Variants in STK4 observed in about 807,000 individuals in gnomAD.
The protein encoded by STK4 is serine/threonine kinase 4.
STK4 carries 30 observed loss-of-function variants against 64.9 expected under a neutral mutation model. The ratio of observed to expected loss-of-function variants is 0.46; its 90% confidence interval spans 0.35 to 0.63. The LOEUF (loss-of-function observed/expected upper bound fraction) is 0.63, where lower values mean the gene tolerates loss of function less well. Among genes scored for constraint, STK4 ranks in the 20% least tolerant of loss-of-function variants. The probability of loss-of-function intolerance (pLI) is 0.01; values close to 1 mark genes in which losing one functional copy is unlikely to be tolerated. For missense variants in STK4, 466 were observed against 598.5 expected (o/e 0.78, Z 2.31); for synonymous variants, 177 against 199.0 (o/e 0.89, Z 0.93).
chr20:45,018,727 T>C, intron 9 of STK4, among the ~76,000 whole-genome samples: 1 of 137,110 alleles, frequency 7.3e-6, no homozygotes, highest in Non-Finnish European at 1.5e-5. Context: ...AAGTTCTACT[T>C]TTTTTTTTTT....
At chr20:44,981,625 C>A (rs987580121) in intron 3 of STK4, among the ~76,000 whole-genome samples, 4 of 152,112 alleles carry the variant, frequency 2.6e-5, no homozygotes, top group Admixed American at 6.6e-5. Context: ...AAAGAACTCA[C>A]CAAGTTTTTT....
chr20:45,021,930 A>C (rs577566024), intron 9 of STK4, among the ~76,000 whole-genome samples: 55 of 152,332 alleles, frequency 3.6e-4, no homozygotes, highest in African/African-American at 1.2e-3. Flanking sequence ...TCAAAGCTGC[A>C]GGGAACATTA....
chr20:45,041,821 A>G (rs1275604324), intron 10 of STK4, among the ~76,000 whole-genome samples: 4 of 152,202 alleles, frequency 2.6e-5, no homozygotes, highest in South Asian at 4.2e-4. Context: ...TGAGTAATCA[A>G]TCTCCTGGCA....
At chr20:45,008,748 T>C (rs901578007) in intron 9 of STK4, among the ~76,000 whole-genome samples, 1 of 152,222 alleles carries the variant, frequency 6.6e-6, no homozygotes, top group African/African-American at 2.4e-5. Flanking sequence ...GTATGAGATA[T>C]CTCATTGTGG....
chr20:45,075,297 C>CT lies in STK4; in HGVS notation c.*122dup. ...CGTCTCTCCACAGCACCTTTGTGAA[C>CT]TCAGGAATGTGCGCCAGTGGGAAGG... On this transcript the variant is annotated 3_prime_UTR_variant, in exon 11 of 11. Transcript: ENST00000372806. The CT allele has an allele frequency of 7.5e-7, 1 of 1,334,336 alleles. No individual in the cohort carries two copies. Among genetic ancestry groups the CT allele is most frequent in the South Asian group, 1.4e-5 (1 of 70,562 alleles). The allele number at this position is 1,334,336 out of a possible 1,614,324, so 82.7% of individuals were successfully genotyped here.
intron 7 of STK4, among the ~76,000 whole-genome samples, chr20:44,998,360 C>A (rs1433051717): frequency 6.6e-6 from 1 of 152,084 alleles, no homozygotes; most frequent in Non-Finnish European, 1.5e-5. Flanking sequence ...GATACAGTAC[C>A]TGCCTCATGT....
chr20:45,014,809 C>A (rs564245920), intron 9 of STK4, among the ~76,000 whole-genome samples: 1 of 152,296 alleles, frequency 6.6e-6, no homozygotes, highest in Admixed American at 6.5e-5. Context: ...GGTCACCCCT[C>A]CTCATCTCCA....
chr20:44,977,623 T>G (rs2067362933), intron 2 of STK4, among the ~76,000 whole-genome samples: 1 of 152,186 alleles, frequency 6.6e-6, no homozygotes, highest in Non-Finnish European at 1.5e-5. Context: ...GTTAATAAGG[T>G]GTAAATGATA....
intron 10 of STK4, among the ~76,000 whole-genome samples, chr20:45,069,155 C>T (rs953563537): frequency 2.6e-5 from 4 of 152,194 alleles, no homozygotes; most frequent in African/African-American, 7.2e-5. Context: ...GCTCGGAGCC[C>T]GTCCTCTTCC....
chr20:45,035,351 GA>G (rs1193690642), intron 10 of STK4, among the ~76,000 whole-genome samples: 7 of 152,086 alleles, frequency 4.6e-5, no homozygotes, highest in Non-Finnish European at 8.8e-5. Flanking sequence ...TTTCAATTGA[GA>G]TTTTTTTTCT....
chr20:45,064,557 A>G (rs1240605458), intron 10 of STK4, among the ~76,000 whole-genome samples: 3 of 152,178 alleles, frequency 2.0e-5, no homozygotes, highest in Non-Finnish European at 4.4e-5. Flanking sequence ...CTTCCCATCT[A>G]TGAACATGGA....
intron 9 of STK4, among the ~76,000 whole-genome samples, chr20:45,020,361 G>GT (rs953685477): frequency 6.6e-6 from 1 of 152,018 alleles, no homozygotes; most frequent in African/African-American, 2.4e-5. Flanking sequence ...AAGGTATTTA[G>GT]TGAATGTTAG....
chr20:45,037,953 C>A (rs992918521), intron 10 of STK4, among the ~76,000 whole-genome samples: 1 of 152,108 alleles, frequency 6.6e-6, no homozygotes. Context: ...ACGCTTAAGT[C>A]AATACTGTCA....
At chr20:44,980,144 A>G (rs1250247056) in intron 3 of STK4, among the ~76,000 whole-genome samples, 1 of 152,228 alleles carries the variant, frequency 6.6e-6, no homozygotes, top group African/African-American at 2.4e-5. Flanking sequence ...GTGCAAGTCT[A>G]TAGAGAACAT....
At chr20:45,054,578 C>CA (rs1225643041) in intron 10 of STK4, among the ~76,000 whole-genome samples, 504 of 64,344 alleles carry the variant, frequency 7.8e-3, no homozygotes, top group South Asian at 0.016. Context: ...TTTTTTTTTT[C>CA]AAAAAAAAAA....
At chr20:45,007,120 C>G (rs1232038660) in intron 9 of STK4, among the ~76,000 whole-genome samples, 1 of 152,118 alleles carries the variant, frequency 6.6e-6, no homozygotes, top group African/African-American at 2.4e-5. Flanking sequence ...CTTAGCACTT[C>G]AGCTCATTCC....
In STK4 at chr20:45,076,373, G is replaced by T. The variant is rs35255459; in HGVS notation, c.*1197G>T. On this transcript the variant is annotated 3_prime_UTR_variant, in exon 11 of 11. Coordinates refer to ENST00000372806, the MANE Select transcript of STK4 (RefSeq NM_006282.5). This position sits in a 1 kb window ranked among gnomAD's most constrained non-coding sequence, Gnocchi z 4.0. ...GGCCAAAATCACAAAGCAAGTTAGC[G>T]TTAAGAGCTGAGACTAGAATTCAGG... 1 of 152,464 alleles carries T rather than the reference G, an allele frequency of 6.6e-6. No homozygotes were observed. Among genetic ancestry groups the T allele is most frequent in the East Asian group, 1.9e-4 (1 of 5,184 alleles). The allele number at this position is 152,464 out of a possible 1,614,324, so 9.4% of individuals were successfully genotyped here. A position where few individuals can be genotyped will look rare whatever the true frequency, so the allele number is the denominator to read the frequency against.
chr20:45,053,845 T>A (rs1033740827), intron 10 of STK4, among the ~76,000 whole-genome samples: 4 of 152,232 alleles, frequency 2.6e-5, no homozygotes, highest in African/African-American at 4.8e-5. Context: ...ATTCCACAAG[T>A]TGGAAGTAGT....
chr20:45,010,602 A>G (rs148198538), intron 9 of STK4, among the ~76,000 whole-genome samples: 1 of 152,232 alleles, frequency 6.6e-6, no homozygotes, highest in African/African-American at 2.4e-5. Context: ...TTGTGATTAT[A>G]TAATGAGTAA....
Sources: allele counts gnomAD v4.1 joint callset (sites outside exome capture counted in the v4.1 genomes callset), GRCh38; gene constraint gnomAD v4.1.1; non-coding constraint Gnocchi (gnomAD v3.1); transcripts MANE v1.5; gene names NCBI Gene and HGNC (gene_info 2026-07-23, HGNC 2026-07-21).